FAM8A1: variants seen among roughly 807,000 people sequenced by gnomAD.
The protein encoded by FAM8A1 is family with sequence similarity 8 member A1.
A neutral mutation model predicts 38.3 loss-of-function variants in FAM8A1; 18 were observed. That is an observed-to-expected ratio of 0.47 (90% CI 0.33 to 0.70). FAM8A1 has a LOEUF of 0.70. FAM8A1 is among the 30% of genes least tolerant of loss of function. The probability of loss-of-function intolerance (pLI) is 0.03; values close to 1 mark genes in which losing one functional copy is unlikely to be tolerated. For missense variants in FAM8A1, 559 were observed against 559.6 expected, an observed-to-expected ratio of 1.00 and a Z score of 0.01; for synonymous variants, 246 against 234.4, an observed-to-expected ratio of 1.05 and a Z score of -0.45.
In FAM8A1 at chr6:17,600,916, G is replaced by T. The variant is rs761667965; in HGVS notation, c.507G>T (p.Leu169=). 3.6e-5 allele frequency: 58 copies of T among 1,594,576 alleles called. No homozygotes were observed. The East Asian group carries it at 1.2e-3, about 33-fold the overall frequency. The change falls in exon 1 of 5, where the codon CTG becomes CTT. Residue 169 remains leucine, a synonymous_variant. Coordinates refer to ENST00000259963, the MANE Select transcript of FAM8A1 (RefSeq NM_016255.3). ...PQAAAPPPPQ[L]GYYNPFYFLS... ...CCGCGGCGCCGCCGCCCCCGCAGCT[G>T]GGCTATTACAACCCCTTCTACTTCC... is the stretch of plus-strand genomic sequence containing the variant.
chr6:17,608,142 C>T (rs1764082141), intron 4 of FAM8A1, 53 bp from the exon 5 acceptor site: 1 of 1,581,182 alleles, frequency 6.3e-7, no homozygotes, highest in South Asian at 1.1e-5. Context: ...TACCATTAAT[C>T]TATATGTGGT....
chr6:17,607,514 A>ATATACTATAGGTAGTATCTT (rs1764072368), intron 4 of FAM8A1, among the ~76,000 whole-genome samples: 1 of 143,096 alleles, frequency 7.0e-6, no homozygotes, highest in East Asian at 2.0e-4. Flanking sequence ...GGTAGTATCT[A>ATATACTATAGGTAGTATCTT]TATACTATCT....
intron 4 of FAM8A1, among the ~76,000 whole-genome samples, chr6:17,607,692 A>C (rs1198862456): frequency 1.3e-5 from 2 of 152,206 alleles, no homozygotes; most frequent in African/African-American, 4.8e-5. Flanking sequence ...GAAATCTAAC[A>C]TAAGTAGGAT....
chr6:17,603,002 C>T (rs1349651617), intron 2 of FAM8A1, among the ~76,000 whole-genome samples: 2 of 152,204 alleles, frequency 1.3e-5, no homozygotes, highest in East Asian at 3.9e-4. Context: ...TTCTTTTAGG[C>T]CAGGAACTAA....
chr6:17,606,350 G>A, intron 4 of FAM8A1, among the ~76,000 whole-genome samples: 1 of 151,972 alleles, frequency 6.6e-6, no homozygotes, highest in Non-Finnish European at 1.5e-5. Flanking sequence ...ACAGGTGCCC[G>A]CCACCACGCC....
rs770006135 is a variant in FAM8A1, at chr6:17,600,602, G to A, written c.193G>A (p.Asp65Asn). The change falls in exon 1 of 5, where the codon GAC (aspartate) becomes AAC (asparagine). Residue 65 changes from aspartate to asparagine, a missense_variant. Transcript: ENST00000259963. The stretch of plus-strand genomic sequence containing the variant: ...GGGCCTCGCGGCTGCCGCCGCAGCC[G>A]ACAAATTGGAGCCGCCGCGCGAGCT... ...APGLAAAAAA[D>N]KLEPPRELRK... 5.4e-6 allele frequency: 8 copies of A among 1,495,154 alleles called. No homozygotes were observed. Among genetic ancestry groups the A allele is most frequent in the Admixed American group, 2.4e-5 (1 of 40,922 alleles). The allele number at this position is 1,495,154 out of a possible 1,614,324, so 92.6% of individuals were successfully genotyped here. A position where few individuals can be genotyped will look rare whatever the true frequency, so the allele number is the denominator to read the frequency against.
At position 17,608,320 on chromosome 6, in the gene FAM8A1, A is replaced by G. The variant is rs2113748080; in HGVS notation, c.1223A>G (p.Lys408Arg). 1 of 1,611,830 alleles carries G rather than the reference A, an allele frequency of 6.2e-7. No individual in the cohort carries two copies. Among genetic ancestry groups the G allele is most frequent in the Middle Eastern group, 2.1e-4 (1 of 4,744 alleles). The change falls in exon 5 of 5, where the codon AAA becomes AGA. Residue 408 changes from lysine to arginine, a missense_variant. Physicochemically the swap from Lys to Arg is conservative, Grantham distance 26. Around this residue, in one of 2 missense-constraint regions of FAM8A1, gnomAD observed 166 missense variants for 220.8 expected, o/e 0.75. Transcript: ENST00000259963. ...ATTGTAGCAGGAACCATTGTGGTAA[A>G]AAGAAATGGGGTCAGATGATGCCCC... The part of the protein sequence containing the change: ...YDIVAGTIVV[K>R]RNGVR
At position 17,607,258 on chromosome 6, in the gene FAM8A1, C is replaced by CAA. The variant is rs879878979; in HGVS notation, c.1098-923_1098-922dup. 2.2e-3 allele frequency among the ~76,000 whole-genome samples: 76 copies of CAA among 35,128 alleles called. 1 individual carries two copies. Among genetic ancestry groups the CAA allele is most frequent in the African/African-American group, 5.7e-3 (60 of 10,598 alleles). 23.0% of individuals were successfully genotyped at this position (35,128 alleles called of 152,430 possible). A position where few individuals can be genotyped will look rare whatever the true frequency, so the allele number is the denominator to read the frequency against. The stretch of plus-strand genomic sequence containing the variant: ...TGGGCGACAGAGCAAGACTCCATCT[C>CAA]AAAAAAAAAAAAAAACAAAACAAAA... On this transcript the variant is annotated intron_variant, in intron 4 of 4. Coordinates refer to ENST00000259963, the MANE Select transcript of FAM8A1 (RefSeq NM_016255.3).
chr6:17,600,730 G>T lies in FAM8A1; in HGVS notation c.321G>T (p.Arg107=). Residue 107 remains arginine (R), a synonymous_variant, in exon 1 of 5, where the codon CGG becomes CGT. Transcript: ENST00000259963. ...CGGCGCCACGAGAGAGACCAGCTCG[G>T]CTGAGCGCCCGCGAGTACTCCCGGC... is the stretch of plus-strand genomic sequence containing the variant. ...EAAAPRERPA[R]LSAREYSRQV... The T allele has an allele frequency of 1.3e-6, 2 of 1,571,824 alleles. No homozygotes were observed. Among genetic ancestry groups the T allele is most frequent in the Non-Finnish European group, 1.7e-6 (2 of 1,160,504 alleles).
chr6:17,605,949 A>G lies in FAM8A1; in HGVS notation c.1033A>G (p.Thr345Ala), dbSNP rs150545995. Residue 345 changes from threonine to alanine, a missense_variant, in exon 4 of 5, where the codon ACA (threonine) becomes GCA (alanine). By Grantham distance (58) the Thr-to-Ala change is moderately conservative. Transcript: ENST00000259963. Reference protein sequence around the residue: ...LLGLRVVTCDTSVLIAPSRVL... With the variant: ...LLGLRVVTCDASVLIAPSRVL... ...GGGGCTTCGAGTTGTGACATGTGAT[A>G]CATCAGTGCTTATTGCACCAAGTCG... The G allele has an allele frequency of 6.0e-5, 95 of 1,590,100 alleles. No homozygotes were observed. The highest frequency in any genetic ancestry group is 8.0e-5 in the Non-Finnish European group (93 of 1,163,898).
Position 17,600,826 on chromosome 6 carries a change from A to T in FAM8A1, c.417A>T (p.Pro139=), listed in dbSNP as rs140966924. The T allele has an allele frequency of 1.6e-5, 26 of 1,580,674 alleles. No individual in the cohort carries two copies. In the African/African-American group the frequency reaches 3.5e-4, roughly 21 times the overall value. Residue 139 remains proline (P), a synonymous_variant, in exon 1 of 5, where the codon CCA becomes CCT. Transcript: ENST00000259963. ...LTWHSGLAAF[P]AYCSPQPSPQ... The stretch of plus-strand genomic sequence containing the variant: ...GGCACAGCGGCCTGGCCGCCTTCCC[A>T]GCCTACTGCAGCCCCCAGCCCTCCC...
chr6:17,605,821 T>G (rs1383840466), intron 3 of FAM8A1, 53 bp from the exon 4 acceptor site: 1 of 1,439,108 alleles, frequency 6.9e-7, no homozygotes, highest in Non-Finnish European at 9.2e-7. Flanking sequence ...AAGTTTATCT[T>G]TAAAATTGGT....
chr6:17,606,401 C>G (rs909440011), intron 4 of FAM8A1, among the ~76,000 whole-genome samples: 1 of 152,072 alleles, frequency 6.6e-6, no homozygotes, highest in African/African-American at 2.4e-5. Flanking sequence ...GGGGTTTCAC[C>G]GTGTTAACCA....
At chr6:17,605,132 G>A in intron 3 of FAM8A1, 103 bp downstream of exon 3, 2 of 1,033,220 alleles carry the variant, frequency 1.9e-6, no homozygotes, top group Non-Finnish European at 2.7e-6. Context: ...CCAGGCTGGA[G>A]TGCAGTGGTG....
intron 1 of FAM8A1, among the ~76,000 whole-genome samples, chr6:17,601,879 T>C (rs1763990309): frequency 6.6e-6 from 1 of 152,132 alleles, no homozygotes; most frequent in African/African-American, 2.4e-5. Flanking sequence ...ATTTACTTTA[T>C]ACTAATTGCC....
rs752684117 is a variant in FAM8A1 at position 17,600,694 on chromosome 6, G to A, written c.285G>A (p.Ala95=). Residue 95 remains alanine, a synonymous_variant, in exon 1 of 5, where the codon GCG becomes GCA. Transcript: ENST00000259963. ...TGCAGGAGCAGGCGGGCTGCGAGGC[G>A]CCCGAAGCCGCGGCGCCACGAGAGA... ...AELQEQAGCE[A]PEAAAPRERP... 7.6e-6 allele frequency: 12 copies of A among 1,583,390 alleles called. No homozygotes were observed. The highest frequency in any genetic ancestry group is 1.1e-5 in the South Asian group (1 of 89,422).
chr6:17,607,593 C>T (rs73367290), intron 4 of FAM8A1, among the ~76,000 whole-genome samples: 4,541 of 152,002 alleles, frequency 0.03, 165 homozygotes, highest in African/African-American at 0.087. Context: ...AATTGGTAGA[C>T]GATGGATCTG....
chr6:17,600,501 C>A lies in FAM8A1; in HGVS notation c.92C>A (p.Pro31His). ...GAGCCCGTCCCTTCCCTGAGAGGCC[C>A]TCCTACCACCGCCGTCCCATGCCCC... The part of the protein sequence containing the change: ...DHEPVPSLRG[P>H]PTTAVPCPRD... Residue 31 changes from proline to histidine, a missense_variant, in exon 1 of 5, where the codon CCT becomes CAT. By Grantham distance (77) the Pro-to-His change is moderately conservative. Around this residue, in one of 2 missense-constraint regions of FAM8A1, gnomAD observed 393 missense variants for 338.9 expected, o/e 1.16. Coordinates refer to ENST00000259963, the MANE Select transcript of FAM8A1 (RefSeq NM_016255.3). The A allele has an allele frequency of 6.5e-7, 1 of 1,534,916 alleles. No individual in the cohort carries two copies. The highest frequency in any genetic ancestry group is 8.7e-7 in the Non-Finnish European group (1 of 1,145,322).
At position 17,600,444 on chromosome 6, in the gene FAM8A1, C is replaced by A; in HGVS notation, c.35C>A (p.Pro12His). The A allele has an allele frequency of 1.4e-6, 2 of 1,471,026 alleles. No individual in the cohort carries two copies. Among genetic ancestry groups the A allele is most frequent in the East Asian group, 2.9e-5 (1 of 34,054 alleles). The allele number at this position is 1,471,026 out of a possible 1,614,324, so 91.1% of individuals were successfully genotyped here. The change falls in exon 1 of 5, where the codon CCT becomes CAT. Residue 12 changes from proline (P) to histidine (H), a missense_variant. By Grantham distance (77) the Pro-to-His change is moderately conservative (BLOSUM62 -2). Coordinates refer to ENST00000259963, the MANE Select transcript of FAM8A1 (RefSeq NM_016255.3). Reference protein sequence around the residue: ...AEGPEEARGHPPGQDDGGGDH... With the variant: ...AEGPEEARGHHPGQDDGGGDH... ...GGGCCCGAGGAAGCCCGAGGCCACC[C>A]TCCCGGGCAGGACGATGGCGGAGGG...
Sources: allele counts gnomAD v4.1 joint callset (sites outside exome capture counted in the v4.1 genomes callset), GRCh38; gene constraint gnomAD v4.1.1; regional missense constraint gnomAD v4.1.1; transcripts MANE v1.5; gene names NCBI Gene and HGNC (gene_info 2026-07-23, HGNC 2026-07-21).